Variants in SLC45A3 observed in about 807,000 individuals in gnomAD.
The protein encoded by SLC45A3 is prostate cancer associated protein 2.
In SLC45A3, 17 loss-of-function variants were observed where a neutral mutation model predicts 35.3. The ratio of observed to expected loss-of-function variants is 0.48; its 90% CI spans 0.33 to 0.72. SLC45A3 has a LOEUF of 0.72. SLC45A3 is among the 30% of genes least tolerant of loss of function. SLC45A3 has a pLI of 0.02. For missense variants in SLC45A3, 597 were observed against 731.7 expected (o/e 0.82, Z 2.12); for synonymous variants, 288 against 334.3 (o/e 0.86, Z 1.51).
At position 205,658,762 on chromosome 1, in the gene SLC45A3, G is replaced by C. The variant is rs145760548; in HGVS notation, c.*472C>G. ...TCATATGTTCAAATCCCATGGAGGA[G>C]TGTTTCATCCTAGAAACTCCCATGC... On this transcript the variant is annotated 3_prime_UTR_variant, in exon 5 of 5. Coordinates refer to ENST00000367145, the MANE Select transcript of SLC45A3 (RefSeq NM_033102.3). 7.0e-4 allele frequency: 171 copies of C among 242,606 alleles called. 1 individual carries two copies. The highest frequency in any genetic ancestry group is 8.4e-4 in the Non-Finnish European group (103 of 122,490). 15.0% of individuals were successfully genotyped at this position (242,606 alleles called of 1,614,324 possible).
At chr1:205,677,721 T>C (rs2102411298) in intron 1 of SLC45A3, among the ~76,000 whole-genome samples, 1 of 152,378 alleles carries the variant, frequency 6.6e-6, no homozygotes, top group South Asian at 2.1e-4. Context: ...GGCTAGGCAC[T>C]GCTGTCCATT....
Position 205,664,435 on chromosome 1 carries a change from C to A in SLC45A3, c.172+50G>T. On this transcript the variant is annotated intron_variant, in intron 2 of 4. Transcript: ENST00000367145. This position sits in a 1 kb window ranked among gnomAD's most constrained non-coding sequence, Gnocchi z 5.3. ...GGCAGAGGTACTCCTGTCCCACATGCCAGGTGGCATGTATCTGGAACAGGA... is the reference window on the plus strand; with the variant it reads ...GGCAGAGGTACTCCTGTCCCACATGACAGGTGGCATGTATCTGGAACAGGA... 1 of 1,602,018 alleles carries A rather than the reference C, an allele frequency of 6.2e-7. No individual in the cohort carries two copies. Among genetic ancestry groups the A allele is most frequent in the South Asian group, 1.1e-5 (1 of 89,372 alleles).
In SLC45A3 at chr1:205,659,143, G is replaced by A. The variant is rs1030769442; in HGVS notation, c.*91C>T. ...ATTACTTTGGCAGCAACAGAAACTG[G>A]CGGCCAGCCCGGCAGCCCCATGGGG... On this transcript the variant is annotated 3_prime_UTR_variant, in exon 5 of 5. Transcript: ENST00000367145. This position sits in a 1 kb window ranked among gnomAD's most constrained non-coding sequence, Gnocchi z 5.8. The A allele has an allele frequency of 1.0e-5, 14 of 1,351,906 alleles. No individual in the cohort carries two copies. Among genetic ancestry groups the A allele is most frequent in the African/African-American group, 1.5e-5 (1 of 68,320 alleles). 83.7% of individuals were successfully genotyped at this position (1,351,906 alleles called of 1,614,324 possible).
chr1:205,680,035 C>CCCGGCCCGGT (rs1033126082), intron 1 of SLC45A3, among the ~76,000 whole-genome samples: 12 of 149,552 alleles, frequency 8.0e-5, no homozygotes, highest in African/African-American at 2.9e-4. Context: ...CAGCCGTCGG[C>CCCGGCCCGGT]CCGGCCCGGT....
Position 205,662,850 on chromosome 1 carries a change from CG to C in SLC45A3, c.940del (p.Arg314GlyfsTer65), listed in dbSNP as rs758315618. On this transcript the variant is annotated frameshift_variant, in exon 3 of 5. Coordinates refer to ENST00000367145, the MANE Select transcript of SLC45A3 (RefSeq NM_033102.3). LOFTEE classifies it high-confidence loss of function. This position sits in a 1 kb window ranked among gnomAD's most constrained non-coding sequence, Gnocchi z 6.2. The stretch of plus-strand genomic sequence containing the variant: ...GGCCTTACCTTCATCATAGTGTCTC[CG>C]GGCCTCGGTGCCCGGCTCAGCTCTG... Reference protein sequence around the residue: ...VPRAEPGTEARRHYDEGVRMG... With the variant: ...VPRAEPGTEAXRHYDEGVRMG... 1.3e-6 allele frequency: 2 copies of C among 1,598,470 alleles called. No homozygotes were observed. Among genetic ancestry groups the C allele is most frequent in the South Asian group, 1.1e-5 (1 of 89,898 alleles).
In SLC45A3 at chr1:205,664,367, A is replaced by G. The variant is rs945814314; in HGVS notation, c.172+118T>C. ...CCCAGGGTCACCCTCCTGCCCAGCAATGCCTTCCCAGCAGACCACCTCTCC... is the reference window on the plus strand; with the variant it reads ...CCCAGGGTCACCCTCCTGCCCAGCAGTGCCTTCCCAGCAGACCACCTCTCC... On this transcript the variant is annotated intron_variant, in intron 2 of 4. Coordinates refer to ENST00000367145, the MANE Select transcript of SLC45A3 (RefSeq NM_033102.3). This position sits in a 1 kb window ranked among gnomAD's most constrained non-coding sequence, Gnocchi z 5.3. 2.9e-6 allele frequency: 4 copies of G among 1,372,760 alleles called. No individual in the cohort carries two copies. Among genetic ancestry groups the G allele is most frequent in the East Asian group, 2.3e-5 (1 of 43,360 alleles). The allele number at this position is 1,372,760 out of a possible 1,614,324, so 85.0% of individuals were successfully genotyped here. A position where few individuals can be genotyped will look rare whatever the true frequency, so the allele number is the denominator to read the frequency against.
At position 205,659,687 on chromosome 1, in the gene SLC45A3, G is replaced by A. The variant is rs755552178; in HGVS notation, c.1225-16C>T. 1 of 1,518,416 alleles carries A rather than the reference G, an allele frequency of 6.6e-7. No individual in the cohort carries two copies. Among genetic ancestry groups the A allele is most frequent in the Admixed American group, 2.3e-5 (1 of 44,302 alleles). The allele number at this position is 1,518,416 out of a possible 1,614,324, so 94.1% of individuals were successfully genotyped here. ...GCAGGAACACCTAAGGCAGAGGGGT[G>A]AAGAAAAGGGGAAGAGGACAGGTGT... On this transcript the variant is annotated splice_polypyrimidine_tract_variant and intron_variant, in intron 4 of 4. Transcript: ENST00000367145. This position sits in a 1 kb window ranked among gnomAD's most constrained non-coding sequence, Gnocchi z 5.8.
Position 205,659,426 on chromosome 1 carries a change from C to T in SLC45A3, c.1470G>A (p.Leu490=). The change falls in exon 5 of 5, where the codon CTG becomes CTA. Residue 490 remains leucine (L), a synonymous_variant. Transcript: ENST00000367145. This position sits in a 1 kb window ranked among gnomAD's most constrained non-coding sequence, Gnocchi z 5.8. ...AGGCACTATCCAGGATGGCGAGGTCCAGGCAGATGCCCCGGCCCGGAACCA... is the reference window on the plus strand; with the variant it reads ...AGGCACTATCCAGGATGGCGAGGTCTAGGCAGATGCCCCGGCCCGGAACCA... The part of the protein sequence containing the change: ...ARVVPGRGIC[L]DLAILDSAFL... The T allele has an allele frequency of 6.2e-7, 1 of 1,614,154 alleles. No individual in the cohort carries two copies. Among genetic ancestry groups the T allele is most frequent in the African/African-American group, 1.3e-5 (1 of 75,046 alleles).
In SLC45A3 at chr1:205,657,929, C is replaced by T. The variant is rs527244505; in HGVS notation, c.*1305G>A. ...GCTCACTTACAGTATAAAATATTCA[C>T]CCCGCTAAATAAATAAGACGACATT... On this transcript the variant is annotated 3_prime_UTR_variant, in exon 5 of 5. Coordinates refer to ENST00000367145, the MANE Select transcript of SLC45A3 (RefSeq NM_033102.3). The T allele has an allele frequency of 3.7e-4, 80 of 216,332 alleles. No homozygotes were observed. The highest frequency in any genetic ancestry group is 1.7e-3 in the African/African-American group (75 of 44,422). 13.4% of individuals were successfully genotyped at this position (216,332 alleles called of 1,614,324 possible).
chr1:205,667,638 CAA>C (rs1179625427), intron 1 of SLC45A3, among the ~76,000 whole-genome samples: 1 of 151,994 alleles, frequency 6.6e-6, no homozygotes, highest in East Asian at 1.9e-4. Flanking sequence ...TTCGAGGCTG[CAA>C]GTGAGCTATG....
chr1:205,663,234 C>G lies in SLC45A3; in HGVS notation c.557G>C (p.Ser186Thr), dbSNP rs1467721125. The change falls in exon 3 of 5, where the codon AGT becomes ACT. Residue 186 changes from serine (S) to threonine (T), a missense_variant. Coordinates refer to ENST00000367145, the MANE Select transcript of SLC45A3 (RefSeq NM_033102.3). Reference protein sequence around the residue: ...YLLPAIDWDTSALAPYLGTQE... With the variant: ...YLLPAIDWDTTALAPYLGTQE... ...GGTGCCCAGGTAGGGGGCCAGGGCA[C>G]TGGTGTCCCAGTCAATGGCAGGCAG... is the stretch of plus-strand genomic sequence containing the variant. The G allele has an allele frequency of 1.2e-6, 2 of 1,613,642 alleles. No individual in the cohort carries two copies. The highest frequency in any genetic ancestry group is 1.1e-5 in the South Asian group (1 of 91,084).
rs1381120688 is a variant in SLC45A3 at position 205,662,061 on chromosome 1, T to C, written c.1024A>G (p.Met342Val). ...CCGAATCGCTGCACCAGCCGGTCCA[T>C]GACCAGAGAGAAGACCAGGGAGATG... ...CAISLVFSLV[M>V]DRLVQRFGTR... Residue 342 changes from methionine (M) to valine (V), a missense_variant, in exon 4 of 5, where the codon ATG becomes GTG. Around this residue, in one of 3 missense-constraint regions of SLC45A3, gnomAD observed 555 missense variants for 664.9 expected, o/e 0.83. Coordinates refer to ENST00000367145, the MANE Select transcript of SLC45A3 (RefSeq NM_033102.3). The surrounding 1 kb of genome is among the most constrained non-coding windows in gnomAD (Gnocchi z 6.2). 7 of 1,614,120 alleles carry C rather than the reference T, an allele frequency of 4.3e-6. No individual in the cohort carries two copies. Among genetic ancestry groups the C allele is most frequent in the Non-Finnish European group, 5.9e-6 (7 of 1,180,024 alleles).
chr1:205,659,328 T>C lies in SLC45A3; in HGVS notation c.1568A>G (p.Tyr523Cys), dbSNP rs1223013626. The change falls in exon 5 of 5, where the codon TAT becomes TGT. Residue 523 changes from tyrosine to cysteine, a missense_variant. This residue lies in a region of SLC45A3 where 555 missense variants were observed against 664.9 expected (regional missense o/e 0.83). Coordinates refer to ENST00000367145, the MANE Select transcript of SLC45A3 (RefSeq NM_033102.3). This position sits in a 1 kb window ranked among gnomAD's most constrained non-coding sequence, Gnocchi z 5.8. ...IVQLSQSVTAYMVSAAGLGLV... is the reference protein window; with the variant it reads ...IVQLSQSVTACMVSAAGLGLV... ...ACCCAGGCCTGCGGCAGACACCATA[T>C]AGGCAGTGACAGACTGGCTGAGCTG... 1.9e-6 allele frequency: 3 copies of C among 1,614,030 alleles called. No individual in the cohort carries two copies. In the Admixed American group the frequency reaches 5.0e-5, roughly 27 times the overall value.
At chr1:205,675,349 G>A (rs1671293582) in intron 1 of SLC45A3, among the ~76,000 whole-genome samples, 1 of 152,170 alleles carries the variant, frequency 6.6e-6, no homozygotes, top group Admixed American at 6.5e-5. Flanking sequence ...TCTATGACCT[G>A]CCCTGGAAAA....
rs2102407288 is a variant in SLC45A3 at position 205,669,973 on chromosome 1, G to A, written c.-230-5087C>T. Among the ~76,000 whole-genome samples, 1 of 152,318 alleles carries A rather than the reference G, an allele frequency of 6.6e-6. No homozygotes were observed. Among genetic ancestry groups the A allele is most frequent in the South Asian group, 2.1e-4 (1 of 4,832 alleles). ...CCAGGGTCCTCTAGGTTGGGGGCAG[G>A]GAGTGGACCTCTCAGGTCTGGGGGT... On this transcript the variant is annotated intron_variant, in intron 1 of 4. Coordinates refer to ENST00000367145, the MANE Select transcript of SLC45A3 (RefSeq NM_033102.3). The surrounding 1 kb of genome is among the most constrained non-coding windows in gnomAD (Gnocchi z 4.1).
chr1:205,675,170 C>A (rs1479605287), intron 1 of SLC45A3, among the ~76,000 whole-genome samples: 1 of 152,354 alleles, frequency 6.6e-6, no homozygotes, highest in Non-Finnish European at 1.5e-5. Context: ...TGCCAGATTT[C>A]TTCCTCCCAG....
chr1:205,673,372 C>A (rs541187373), intron 1 of SLC45A3, among the ~76,000 whole-genome samples: 38 of 152,320 alleles, frequency 2.5e-4, no homozygotes, highest in African/African-American at 8.4e-4. Flanking sequence ...TCCTTCCCCC[C>A]ATCCTGCCTT....
intron 1 of SLC45A3, among the ~76,000 whole-genome samples, chr1:205,672,672 G>A (rs73078382): frequency 0.01 from 1,587 of 152,268 alleles, 29 homozygotes; most frequent in African/African-American, 0.036. Flanking sequence ...AATGCTGGAA[G>A]GTGCTCTGAA....
chr1:205,679,905 G>A (rs1249255220), intron 1 of SLC45A3, among the ~76,000 whole-genome samples: 2 of 152,094 alleles, frequency 1.3e-5, no homozygotes, highest in African/African-American at 2.4e-5. Flanking sequence ...GACTGTGCGC[G>A]CCGCAGTGAC....
Sources: gnomAD v4.1 joint callset for allele counts (sites outside exome capture counted in the v4.1 genomes callset) on GRCh38, gnomAD v4.1.1 for gene constraint, gnomAD v4.1.1 regional missense constraint, Gnocchi (gnomAD v3.1) non-coding constraint, MANE v1.5 for transcripts, NCBI Gene and HGNC (gene_info 2026-07-23, HGNC 2026-07-21) for gene names.